Variants in VDAC1 observed in about 807,000 individuals in gnomAD.
The protein encoded by VDAC1 is voltage dependent anion channel 1.
In VDAC1, 10 loss-of-function variants were observed where a neutral mutation model predicts 34.7. That is an observed-to-expected ratio of 0.29 (90% CI 0.18 to 0.49). VDAC1 has a LOEUF of 0.49. Among genes scored for constraint, VDAC1 ranks in the 20% least tolerant of loss-of-function variants. The pLI is 0.99. For missense variants in VDAC1, 230 were observed against 347.9 expected (o/e 0.66, Z 2.69); for synonymous variants, 130 against 136.0 (o/e 0.96, Z 0.30).
the VDAC1 span, among the ~76,000 whole-genome samples, chr5:134,033,176 G>C: frequency 7.6e-4 from 42 of 55,550 alleles, 1 homozygote; most frequent in Non-Finnish European, 1.1e-4. Flanking sequence ...TTTTTTTTTT[G>C]AGACGGCGTC....
At chr5:134,039,208 C>T in the VDAC1 span, among the ~76,000 whole-genome samples, 1 of 152,190 alleles carries the variant, frequency 6.6e-6, no homozygotes, top group Non-Finnish European at 1.5e-5. Flanking sequence ...TACAGTGATT[C>T]GCAACCCTGG....
the VDAC1 span, among the ~76,000 whole-genome samples, chr5:134,093,407 G>A: frequency 0.017 from 2,654 of 152,212 alleles, 76 homozygotes; most frequent in African/African-American, 0.06. Flanking sequence ...CCTTTAGAGC[G>A]GTGTCCCAGA....
At chr5:134,085,722 T>TAAAAAAAAAAAAAAAAAAA in the VDAC1 span, among the ~76,000 whole-genome samples, 38 of 44,248 alleles carry the variant, frequency 8.6e-4, 5 homozygotes, top group Non-Finnish European at 8.1e-4. Flanking sequence ...ACCCCATTTC[T>TAAAAAAAAAAAAAAAAAAA]AAAAAAAAAA....
the VDAC1 span, among the ~76,000 whole-genome samples, chr5:134,015,302 C>A: frequency 1.6e-3 from 236 of 152,190 alleles, no homozygotes; most frequent in African/African-American, 5.5e-3. Flanking sequence ...AATCATACCC[C>A]AAACCTCAGC....
the VDAC1 span, among the ~76,000 whole-genome samples, chr5:134,113,235 A>T: frequency 6.6e-6 from 1 of 152,254 alleles, no homozygotes; most frequent in Admixed American, 6.5e-5. Flanking sequence ...CACCAAGCTG[A>T]GCACTCGTGC....
the VDAC1 span, among the ~76,000 whole-genome samples, chr5:134,093,353 A>G: frequency 1.2e-4 from 18 of 145,820 alleles, no homozygotes; most frequent in Admixed American, 1.2e-3. Flanking sequence ...ACACACACGC[A>G]TATAAGTGTG....
At chr5:134,093,531 C>G in the VDAC1 span, among the ~76,000 whole-genome samples, 403 of 152,322 alleles carry the variant, frequency 2.6e-3, 5 homozygotes, top group African/African-American at 9.0e-3. Context: ...AGCAGAGAAT[C>G]CCATCTCTGG....
intron 1 of VDAC1, among the ~76,000 whole-genome samples, chr5:133,998,007 T>C (rs1753394597): frequency 6.7e-6 from 1 of 149,590 alleles, no homozygotes; most frequent in African/African-American, 2.5e-5. Flanking sequence ...GTGGAGGTTG[T>C]GGTGAGCTGA....
chr5:133,994,069 T>C (rs970809867), intron 1 of VDAC1, among the ~76,000 whole-genome samples: 1 of 152,208 alleles, frequency 6.6e-6, no homozygotes, highest in East Asian at 1.9e-4. Context: ...TCAAAATTCA[T>C]CTGCATATAT....
At chr5:134,103,500 T>TCC in the VDAC1 span, among the ~76,000 whole-genome samples, 1 of 152,122 alleles carries the variant, frequency 6.6e-6, no homozygotes. Context: ...GCAGGAGAGA[T>TCC]CGACTCCCCT....
the VDAC1 span, among the ~76,000 whole-genome samples, chr5:134,095,522 A>AAATAAATCAATCAATC: frequency 6.6e-6 from 1 of 150,814 alleles, no homozygotes; most frequent in African/African-American, 2.5e-5. Flanking sequence ...ATAAATAAAT[A>AAATAAATCAATCAATC]AATCCAAGAG....
chr5:134,058,534 C>T, the VDAC1 span, among the ~76,000 whole-genome samples: 1 of 152,052 alleles, frequency 6.6e-6, no homozygotes, highest in Non-Finnish European at 1.5e-5. Flanking sequence ...CCAGGACGGT[C>T]TCAATCTCCT....
At chr5:134,012,872 A>G in the VDAC1 span, among the ~76,000 whole-genome samples, 1 of 152,226 alleles carries the variant, frequency 6.6e-6, no homozygotes, top group African/African-American at 2.4e-5. Context: ...CCCAAACAGC[A>G]TAGTACTGGT....
chr5:133,982,481 C>T (rs1367572245), intron 5 of VDAC1, among the ~76,000 whole-genome samples: 1 of 146,370 alleles, frequency 6.8e-6, no homozygotes, highest in African/African-American at 2.5e-5. Flanking sequence ...CACTGCACTC[C>T]AGCCTGGGCG....
chr5:134,049,956 T>G, the VDAC1 span, among the ~76,000 whole-genome samples: 1 of 152,078 alleles, frequency 6.6e-6, no homozygotes, highest in Non-Finnish European at 1.5e-5. Context: ...TTAGATGTAC[T>G]AAATCCACCA....
the VDAC1 span, among the ~76,000 whole-genome samples, chr5:134,050,572 G>A: frequency 6.6e-6 from 1 of 152,178 alleles, no homozygotes; most frequent in African/African-American, 2.4e-5. Context: ...GGGAATGATT[G>A]CCCGTTCTTC....
the VDAC1 span, among the ~76,000 whole-genome samples, chr5:134,045,271 A>G: frequency 6.6e-6 from 1 of 152,252 alleles, no homozygotes; most frequent in Non-Finnish European, 1.5e-5. Flanking sequence ...CAGCCACGCC[A>G]GTTATCTACA....
At chr5:134,064,784 C>A in the VDAC1 span, among the ~76,000 whole-genome samples, 74 of 150,620 alleles carry the variant, frequency 4.9e-4, no homozygotes, top group Middle Eastern at 3.4e-3. Context: ...ATGGTGTGAT[C>A]TCAGCTCACT....
chr5:133,980,529 A>G (rs1261543606), intron 6 of VDAC1, among the ~76,000 whole-genome samples, 200 bp downstream of exon 6: 1 of 152,050 alleles, frequency 6.6e-6, no homozygotes, highest in Admixed American at 6.6e-5. Flanking sequence ...AGGATCTAAG[A>G]CACTCCAGGA....
Sources: gnomAD v4.1 joint callset for allele counts (sites outside exome capture counted in the v4.1 genomes callset) on GRCh38, gnomAD v4.1.1 for gene constraint, MANE v1.5 for transcripts, NCBI Gene and HGNC (gene_info 2026-07-23, HGNC 2026-07-21) for gene names.